Variants in UTRN observed in about 807,000 individuals in gnomAD.
UTRN encodes the protein dystrophin-related protein 1.
Under a neutral mutation model 463.9 loss-of-function variants are expected in UTRN, and 283 were observed. That is an observed-to-expected ratio of 0.61 (90% CI 0.55 to 0.67). The LOEUF (loss-of-function observed/expected upper bound fraction) is 0.67, where lower values mean the gene tolerates loss of function less well. Ranked by LOEUF, UTRN falls within the 30% of genes least tolerant of loss-of-function variation. The pLI, the probability that UTRN is intolerant of heterozygous loss-of-function variation, is 0.00. For synonymous variants in UTRN, 1,442 were observed against 1,431.5 expected, an observed-to-expected ratio of 1.01 and a Z score of -0.17; for missense variants, 3,922 against 4,084.3, an observed-to-expected ratio of 0.96 and a Z score of 1.08.
chr6:144,327,075 G>A lies in UTRN; in HGVS notation c.79+35168G>A, dbSNP rs192258830. Among the ~76,000 whole-genome samples, 722 of 152,268 alleles carry A rather than the reference G, an allele frequency of 4.7e-3. 4 individuals are homozygous for A. The highest frequency in any genetic ancestry group is 0.014 in the Middle Eastern group (4 of 294). Reference sequence around the variant, plus strand: ...GCTTCTGTCTGCTGTGTGAAGCCGAGGGGGTTTTGTGAATATTCTGTAAGA... The same window carrying A: ...GCTTCTGTCTGCTGTGTGAAGCCGAAGGGGTTTTGTGAATATTCTGTAAGA... On this transcript the variant is annotated intron_variant, in intron 2 of 74. Transcript: ENST00000367545.
At chr6:144,636,402 G>A (rs1777180716) in intron 51 of UTRN, among the ~76,000 whole-genome samples, 1 of 151,940 alleles carries the variant, frequency 6.6e-6, no homozygotes, top group African/African-American at 2.4e-5. Flanking sequence ...GGGGTGGGGG[G>A]CTAGGGGAGG....
At chr6:144,307,737 A>C (rs1182853776) in intron 2 of UTRN, among the ~76,000 whole-genome samples, 1 of 151,882 alleles carries the variant, frequency 6.6e-6, no homozygotes, top group Non-Finnish European at 1.5e-5. Flanking sequence ...ATGTATTTTT[A>C]TTTGTTGATG....
chr6:144,516,927 T>A lies in UTRN; in HGVS notation c.5520T>A (p.His1840Gln). The change falls in exon 39 of 75, where the codon CAT becomes CAA. Residue 1840 changes from histidine (H) to glutamine (Q), a missense_variant. By Grantham distance (24) the His-to-Gln change is conservative. Transcript: ENST00000367545. ...TCCGTTTGCAATTATTACTTTTGCA[T>A]ACTAGATACAACAAAATTAAGGTAT... Reference protein sequence around the residue: ...EKIRLQLLLLHTRYNKIKAIP... With the variant: ...EKIRLQLLLLQTRYNKIKAIP... The A allele has an allele frequency of 6.7e-7, 1 of 1,486,692 alleles. No homozygotes were observed. The highest frequency in any genetic ancestry group is 8.9e-7 in the Non-Finnish European group (1 of 1,122,718). 92.1% of individuals were successfully genotyped at this position (1,486,692 alleles called of 1,614,324 possible).
At chr6:144,688,716 G>A (rs1452180475) in intron 52 of UTRN, among the ~76,000 whole-genome samples, 4 of 152,164 alleles carry the variant, frequency 2.6e-5, no homozygotes, top group African/African-American at 4.8e-5. Context: ...TGTGCTTGGT[G>A]TGTGAGTGGG....
chr6:144,416,027 T>C (rs1045203723), intron 3 of UTRN, among the ~76,000 whole-genome samples: 2 of 152,058 alleles, frequency 1.3e-5, no homozygotes, highest in African/African-American at 4.8e-5. Flanking sequence ...AATCATATTC[T>C]GTAGTCCGTG....
intron 2 of UTRN, among the ~76,000 whole-genome samples, chr6:144,315,450 G>C (rs1219205911): frequency 1.3e-5 from 2 of 152,136 alleles, no homozygotes; most frequent in Non-Finnish European, 2.9e-5. Flanking sequence ...CAGGGAAGGG[G>C]GAATTGGCTA....
At chr6:144,610,863 A>G (rs12212409) in intron 51 of UTRN, among the ~76,000 whole-genome samples, 6,052 of 152,320 alleles carry the variant, frequency 0.04, 159 homozygotes, top group Non-Finnish European at 0.061. Flanking sequence ...GGACAAGAGC[A>G]AGACTTTGTT....
In UTRN at chr6:144,803,022, TTTG is replaced by T. The variant is rs1163386294; in HGVS notation, c.9246-11_9246-9del. ...AGTAATGCAAGCCAATAAATTTTCTTTTGTTTTCTCTAGGTATAGAAGCCTTAA... is the reference window on the plus strand; with the variant it reads ...AGTAATGCAAGCCAATAAATTTTCTTTTTTCTCTAGGTATAGAAGCCTTAA... On this transcript the variant is annotated splice_polypyrimidine_tract_variant and intron_variant, in intron 64 of 74. Coordinates refer to ENST00000367545, the MANE Select transcript of UTRN (RefSeq NM_007124.3). The T allele has an allele frequency of 6.6e-7, 1 of 1,524,472 alleles. No homozygotes were observed. Among genetic ancestry groups the T allele is most frequent in the African/African-American group, 1.4e-5 (1 of 71,346 alleles). 94.4% of individuals were successfully genotyped at this position (1,524,472 alleles called of 1,614,324 possible).
At position 144,598,375 on chromosome 6, in the gene UTRN, C is replaced by T. The variant is rs1056004232; in HGVS notation, c.7479+21087C>T. Among the ~76,000 whole-genome samples, 8 of 152,234 alleles carry T rather than the reference C, an allele frequency of 5.3e-5. No individual in the cohort carries two copies. The East Asian group carries it at 1.2e-3, about 22-fold the overall frequency. ...GTTCATCTAAAGACCTGGAATCAAT[C>T]GAAGGGAGTGTCTGGGTTAAGATAA... On this transcript the variant is annotated intron_variant, in intron 51 of 74. Coordinates refer to ENST00000367545, the MANE Select transcript of UTRN (RefSeq NM_007124.3).
At chr6:144,809,725 G>A (rs1778445549) in intron 65 of UTRN, among the ~76,000 whole-genome samples, 1 of 152,090 alleles carries the variant, frequency 6.6e-6, no homozygotes, top group Admixed American at 6.6e-5. Flanking sequence ...ATTTCTAGAA[G>A]TGAAGTGACA....
chr6:144,573,519 T>A (rs1419314488), intron 50 of UTRN, among the ~76,000 whole-genome samples: 3 of 151,650 alleles, frequency 2.0e-5, no homozygotes, highest in African/African-American at 7.3e-5. Context: ...CATGGTGAAA[T>A]CCTGTCTCTA....
chr6:144,696,867 C>T (rs1432710916), intron 52 of UTRN, among the ~76,000 whole-genome samples: 1 of 152,112 alleles, frequency 6.6e-6, no homozygotes, highest in African/African-American at 2.4e-5. Flanking sequence ...TATATCTGTA[C>T]ACTGGGAGAA....
At chr6:144,305,798 G>A (rs1025689172) in intron 2 of UTRN, among the ~76,000 whole-genome samples, 4 of 152,196 alleles carry the variant, frequency 2.6e-5, no homozygotes, top group Non-Finnish European at 5.9e-5. Flanking sequence ...ATCTGGGCAA[G>A]GTAACTTGGC....
intron 65 of UTRN, among the ~76,000 whole-genome samples, chr6:144,808,187 C>T (rs1257229768): frequency 1.3e-5 from 2 of 152,042 alleles, no homozygotes; most frequent in Middle Eastern, 3.4e-3. Context: ...GAGAAAATTT[C>T]ATGAAGGAGA....
chr6:144,719,131 A>G (rs946165848), intron 53 of UTRN, among the ~76,000 whole-genome samples: 3 of 152,166 alleles, frequency 2.0e-5, no homozygotes, highest in Non-Finnish European at 4.4e-5. Flanking sequence ...AAATGCTCCC[A>G]TTTCTCAGGT....
At chr6:144,827,241 A>G (rs1009575475) in intron 66 of UTRN, 107 bp from the exon 67 acceptor site, 12 of 1,339,078 alleles carry the variant, frequency 9.0e-6, no homozygotes, top group Admixed American at 3.5e-5. Context: ...AACCACATAT[A>G]TGAGCGGAAG....
intron 46 of UTRN, among the ~76,000 whole-genome samples, chr6:144,543,134 G>A (rs1354074224): frequency 6.6e-6 from 1 of 152,192 alleles, no homozygotes; most frequent in Admixed American, 6.5e-5. Context: ...CACAGGTCCT[G>A]CCGAAGGGAA....
chr6:144,298,491 C>A (rs1474630), intron 2 of UTRN, among the ~76,000 whole-genome samples: 25,335 of 152,070 alleles, frequency 0.17, 3,584 homozygotes, highest in African/African-American at 0.39. Flanking sequence ...TGGCCCGGTT[C>A]ATAAGGGAAA....
At chr6:144,476,975 A>T (rs1791277018) in intron 25 of UTRN, among the ~76,000 whole-genome samples, 1 of 152,110 alleles carries the variant, frequency 6.6e-6, no homozygotes, top group Admixed American at 6.6e-5. Context: ...TAAATGAGAG[A>T]TATTAATAAG....
Sources: gnomAD v4.1 joint callset for allele counts (sites outside exome capture counted in the v4.1 genomes callset) on GRCh38, gnomAD v4.1.1 for gene constraint, MANE v1.5 for transcripts, NCBI Gene and HGNC (gene_info 2026-07-23, HGNC 2026-07-21) for gene names.